AMPH: variants seen among roughly 807,000 people sequenced by gnomAD.
The protein encoded by AMPH is amphiphysin (Stiff-Mann syndrome with breast cancer 128kD autoantigen).
Under a neutral mutation model 99.1 loss-of-function variants are expected in AMPH, and 49 were observed. That is an observed-to-expected ratio of 0.49 (90% CI 0.39 to 0.63). AMPH has a LOEUF of 0.63. Among genes scored for constraint, AMPH ranks in the 20% least tolerant of loss-of-function variants. The pLI is 0.00. For synonymous variants in AMPH, 314 were observed against 317.3 expected, an observed-to-expected ratio of 0.99 and a Z score of 0.11; for missense variants, 759 against 863.4, an observed-to-expected ratio of 0.88 and a Z score of 1.52.
At chr7:38,448,060 C>T (rs1301827085) in intron 11 of AMPH, among the ~76,000 whole-genome samples, 1 of 152,008 alleles carries the variant, frequency 6.6e-6, no homozygotes, top group East Asian at 1.9e-4. Flanking sequence ...AATAGAAATA[C>T]CTTTCATGTA....
At chr7:38,487,985 T>C (rs190544621) in intron 5 of AMPH, among the ~76,000 whole-genome samples, 9 of 152,286 alleles carry the variant, frequency 5.9e-5, no homozygotes, top group Admixed American at 3.3e-4. Flanking sequence ...TACCATCTCA[T>C]GCCAGTTAGA....
chr7:38,547,577 T>C (rs1427353109), intron 1 of AMPH, among the ~76,000 whole-genome samples: 1 of 152,210 alleles, frequency 6.6e-6, no homozygotes, highest in Non-Finnish European at 1.5e-5. Flanking sequence ...GAACCCAAAA[T>C]ATCTGAGACA....
At chr7:38,512,697 G>T (rs1789584427) in intron 2 of AMPH, among the ~76,000 whole-genome samples, 1 of 152,162 alleles carries the variant, frequency 6.6e-6, no homozygotes, top group African/African-American at 2.4e-5. Flanking sequence ...ATAGGAAATG[G>T]CACAGTAATG....
chr7:38,599,832 A>C (rs1793185143), intron 1 of AMPH, among the ~76,000 whole-genome samples: 1 of 151,660 alleles, frequency 6.6e-6, no homozygotes, highest in Admixed American at 6.6e-5. Context: ...TTATTTTAAT[A>C]GTAAAATAAT....
intron 3 of AMPH, among the ~76,000 whole-genome samples, chr7:38,500,449 A>G (rs1789093818): frequency 6.6e-6 from 1 of 152,168 alleles, no homozygotes; most frequent in Non-Finnish European, 1.5e-5. Context: ...GCCGTCTGCC[A>G]GAAAGGCTTA....
intron 16 of AMPH, among the ~76,000 whole-genome samples, chr7:38,421,270 T>G (rs1277534711): frequency 1.3e-5 from 2 of 152,214 alleles, no homozygotes; most frequent in Non-Finnish European, 2.9e-5. Flanking sequence ...TTATAACCAA[T>G]TGCCTTTCCT....
At chr7:38,526,206 C>A (rs1282685476) in intron 2 of AMPH, among the ~76,000 whole-genome samples, 3 of 151,342 alleles carry the variant, frequency 2.0e-5, no homozygotes, top group Non-Finnish European at 2.9e-5. Flanking sequence ...TATTAAAAAT[C>A]TTTTCATATT....
chr7:38,547,657 C>T (rs1316026702), intron 1 of AMPH, among the ~76,000 whole-genome samples: 2 of 152,152 alleles, frequency 1.3e-5, no homozygotes, highest in Non-Finnish European at 2.9e-5. Flanking sequence ...CTTAGGAGGT[C>T]CTAATGACAT....
chr7:38,540,093 T>C (rs935369855), intron 1 of AMPH, among the ~76,000 whole-genome samples: 1 of 152,204 alleles, frequency 6.6e-6, no homozygotes, highest in African/African-American at 2.4e-5. Context: ...TACTATGTAT[T>C]TATGTATTTG....
chr7:38,514,562 C>A (rs540213306), intron 2 of AMPH, among the ~76,000 whole-genome samples: 1 of 152,224 alleles, frequency 6.6e-6, no homozygotes, highest in East Asian at 1.9e-4. Flanking sequence ...GGTGATTAGG[C>A]CATGATGGCT....
chr7:38,406,914 G>A (rs1785026724), intron 17 of AMPH, among the ~76,000 whole-genome samples: 1 of 149,212 alleles, frequency 6.7e-6, no homozygotes, highest in African/African-American at 2.5e-5. Flanking sequence ...GAAGCTTTCA[G>A]ACTTAGGCTG....
At chr7:38,598,993 T>C (rs559652197) in intron 1 of AMPH, among the ~76,000 whole-genome samples, 4 of 152,358 alleles carry the variant, frequency 2.6e-5, no homozygotes, top group African/African-American at 4.8e-5. Flanking sequence ...TTGTCTCCCA[T>C]GACTTTAGTG....
chr7:38,437,810 A>G (rs960535036), intron 11 of AMPH, among the ~76,000 whole-genome samples: 1 of 151,906 alleles, frequency 6.6e-6, no homozygotes, highest in African/African-American at 2.4e-5. Context: ...TTCCCCCCCA[A>G]AAATAAAAAA....
intron 1 of AMPH, among the ~76,000 whole-genome samples, chr7:38,585,593 G>T (rs1792615101): frequency 6.6e-6 from 1 of 152,138 alleles, no homozygotes; most frequent in Non-Finnish European, 1.5e-5. Context: ...CAGAAAAAGT[G>T]CTTTATACTA....
At chr7:38,491,192 CT>C in intron 4 of AMPH, 47 bp from the exon 5 acceptor site, 1 of 1,304,734 alleles carries the variant, frequency 7.7e-7, no homozygotes, top group South Asian at 1.3e-5. Flanking sequence ...AATTGGATAC[CT>C]TTCACCAAAC....
chr7:38,436,319 C>T lies in AMPH; in HGVS notation c.1087G>A (p.Val363Met). Residue 363 changes from valine (V) to methionine (M), a missense_variant, in exon 12 of 21, where the codon GTG (valine) becomes ATG (methionine). Val to Met is a conservative substitution (Grantham distance 21). Around this residue, in one of 2 missense-constraint regions of AMPH, gnomAD observed 554 missense variants for 575.6 expected, o/e 0.96. Coordinates refer to ENST00000356264, the MANE Select transcript of AMPH (RefSeq NM_001635.4). ...ACTCCAGCAGAACCTGCAGGTGTCA[C>T]CTCGGGCTTGAAAGGATCAAAGTCC... ...DLDFDPFKPE[V>M]TPAGSAGVTH... 1.2e-6 allele frequency: 2 copies of T among 1,614,168 alleles called. No individual in the cohort carries two copies. The highest frequency in any genetic ancestry group is 1.7e-6 in the Non-Finnish European group (2 of 1,180,010).
intron 1 of AMPH, among the ~76,000 whole-genome samples, chr7:38,620,220 A>G (rs559407125): frequency 2.6e-5 from 4 of 152,098 alleles, no homozygotes; most frequent in African/African-American, 9.6e-5. Flanking sequence ...AATTAAGTCA[A>G]GTTGCCAGCC....
At chr7:38,446,303 T>A (rs1171654184) in intron 11 of AMPH, among the ~76,000 whole-genome samples, 1 of 152,216 alleles carries the variant, frequency 6.6e-6, no homozygotes, top group Non-Finnish European at 1.5e-5. Context: ...AGCTAGTTTA[T>A]CCCTAGGTAT....
chr7:38,416,255 G>A (rs1785383455), intron 17 of AMPH, among the ~76,000 whole-genome samples: 1 of 151,774 alleles, frequency 6.6e-6, no homozygotes, highest in Non-Finnish European at 1.5e-5. Context: ...GATGGGTGTG[G>A]GAGGTATATG....
Sources: allele counts gnomAD v4.1 joint callset (sites outside exome capture counted in the v4.1 genomes callset), GRCh38; gene constraint gnomAD v4.1.1; regional missense constraint gnomAD v4.1.1; transcripts MANE v1.5; gene names NCBI Gene and HGNC (gene_info 2026-07-23, HGNC 2026-07-21).